Variants in GALNT18 observed in about 807,000 individuals in gnomAD.
The protein encoded by GALNT18 is GalNAc-transferase 18.
GALNT18 carries 44 observed loss-of-function variants against 69.5 expected under a neutral mutation model. That is an observed-to-expected ratio of 0.63 (90% CI 0.50 to 0.81). GALNT18 has a LOEUF of 0.81. GALNT18 is among the 40% of genes least tolerant of loss of function. The probability of loss-of-function intolerance (pLI) is 0.00; values close to 1 mark genes in which losing one functional copy is unlikely to be tolerated. For synonymous variants in GALNT18, 364 were observed against 318.2 expected, an observed-to-expected ratio of 1.14 and a Z score of -1.53; for missense variants, 715 against 810.0, an observed-to-expected ratio of 0.88 and a Z score of 1.42.
chr11:11,352,736 T>G (rs2896585), intron 6 of GALNT18: 1,598,261 of 1,614,090 alleles, frequency 0.99, 792,244 homozygotes, highest in East Asian at 1. Flanking sequence ...CATAGTCTGT[T>G]AACGTCTGGT....
chr11:11,493,929 T>C (rs1435575337), intron 1 of GALNT18, among the ~76,000 whole-genome samples: 1 of 152,176 alleles, frequency 6.6e-6, no homozygotes, highest in Admixed American at 6.5e-5. Flanking sequence ...ACAGAGACCA[T>C]GGCATAATGG....
intron 8 of GALNT18, among the ~76,000 whole-genome samples, chr11:11,330,277 G>GA (rs1004558240): frequency 6.6e-6 from 1 of 152,166 alleles, no homozygotes; most frequent in African/African-American, 2.4e-5. Flanking sequence ...ACAGAAAAAG[G>GA]AAAAAGAAAT....
intron 9 of GALNT18, among the ~76,000 whole-genome samples, chr11:11,301,974 T>G (rs528945619): frequency 6.6e-6 from 1 of 152,056 alleles, no homozygotes; most frequent in East Asian, 1.9e-4. Context: ...GAGTAATGAG[T>G]CTAAAGACAA....
chr11:11,461,913 C>T lies in GALNT18; in HGVS notation c.236-12977G>A, dbSNP rs190513012. ...ATGAAGCTGCAAAAATCATATGTAC[C>T]TTTCATCTGTAATATTACTCTATCA... On this transcript the variant is annotated intron_variant, in intron 1 of 10. Coordinates refer to ENST00000227756, the MANE Select transcript of GALNT18 (RefSeq NM_198516.3). The surrounding 1 kb of genome is among the most constrained non-coding windows in gnomAD (Gnocchi z 4.1). Among the ~76,000 whole-genome samples, 1 of 152,186 alleles carries T rather than the reference C, an allele frequency of 6.6e-6. No homozygotes were observed. Among genetic ancestry groups the T allele is most frequent in the African/African-American group, 2.4e-5 (1 of 41,436 alleles).
rs541885584 is a variant in GALNT18 at position 11,568,197 on chromosome 11, G to T, written c.235+53162C>A. Among the ~76,000 whole-genome samples, 25 of 152,338 alleles carry T rather than the reference G, an allele frequency of 1.6e-4. 1 individual carries two copies. The South Asian group carries it at 1.7e-3, about 10-fold the overall frequency. On this transcript the variant is annotated intron_variant, in intron 1 of 10. Transcript: ENST00000227756. ...GAACCACAGCCAACGCACAGCCCAGGTGACATAAGGAAGAAAGAAACTGTT... is the reference window on the plus strand; with the variant it reads ...GAACCACAGCCAACGCACAGCCCAGTTGACATAAGGAAGAAAGAAACTGTT...
chr11:11,467,330 T>G (rs1856174641), intron 1 of GALNT18, among the ~76,000 whole-genome samples: 1 of 152,202 alleles, frequency 6.6e-6, no homozygotes. Context: ...ATCTTCCCAG[T>G]GCCACTGGTT....
At chr11:11,412,104 C>T (rs767161818) in intron 3 of GALNT18, among the ~76,000 whole-genome samples, 1 of 152,166 alleles carries the variant, frequency 6.6e-6, no homozygotes, top group Non-Finnish European at 1.5e-5. Flanking sequence ...CCAAGAGCAT[C>T]CACTATAGTA....
chr11:11,321,364 G>A (rs1849836025), intron 9 of GALNT18, among the ~76,000 whole-genome samples: 1 of 152,176 alleles, frequency 6.6e-6, no homozygotes, highest in South Asian at 2.1e-4. Context: ...ACTGTACAGT[G>A]TATACAAAGT....
intron 2 of GALNT18, among the ~76,000 whole-genome samples, chr11:11,442,224 T>C (rs1298111233): frequency 2.0e-5 from 3 of 152,192 alleles, no homozygotes; most frequent in African/African-American, 7.2e-5. Flanking sequence ...CTTTCTCACA[T>C]TGTCATCTCT....
At chr11:11,612,917 CAGCAA>C (rs1859947800) in intron 1 of GALNT18, among the ~76,000 whole-genome samples, 1 of 152,166 alleles carries the variant, frequency 6.6e-6, no homozygotes, top group Non-Finnish European at 1.5e-5. Flanking sequence ...GAAAGTAGCC[CAGCAA>C]AGTATGCCTG....
In GALNT18 at chr11:11,314,346, C is replaced by T. The variant is rs1250091317; in HGVS notation, c.1512+12740G>A. ...TGGAGTTTGGACATGAAGTGAAGAA[C>T]ATATCATGTGGAATGAATAACAAAT... is the stretch of plus-strand genomic sequence containing the variant. On this transcript the variant is annotated intron_variant, in intron 9 of 10. Transcript: ENST00000227756. The surrounding 1 kb of genome is among the most constrained non-coding windows in gnomAD (Gnocchi z 5.2). 2.0e-5 allele frequency among the ~76,000 whole-genome samples: 3 copies of T among 151,234 alleles called. No individual in the cohort carries two copies. Among genetic ancestry groups the T allele is most frequent in the African/African-American group, 7.3e-5 (3 of 41,134 alleles).
chr11:11,354,152 G>A (rs572832724), intron 6 of GALNT18, among the ~76,000 whole-genome samples: 5 of 152,274 alleles, frequency 3.3e-5, no homozygotes, highest in East Asian at 3.9e-4. Flanking sequence ...AGAATGAATC[G>A]TCAGCATGGG....
chr11:11,274,554 A>AT (rs910374147), intron 10 of GALNT18, among the ~76,000 whole-genome samples: 1 of 152,132 alleles, frequency 6.6e-6, no homozygotes, highest in African/African-American at 2.4e-5. Flanking sequence ...GGTTTTTAAA[A>AT]TTTTTTATTA....
At chr11:11,559,392 T>C (rs2133979891) in intron 1 of GALNT18, among the ~76,000 whole-genome samples, 1 of 152,350 alleles carries the variant, frequency 6.6e-6, no homozygotes, top group Non-Finnish European at 1.5e-5. Flanking sequence ...GTCTGCTTCT[T>C]TCTCTTGTTA....
chr11:11,446,024 T>G (rs923828638), intron 2 of GALNT18, among the ~76,000 whole-genome samples: 2 of 152,172 alleles, frequency 1.3e-5, no homozygotes, highest in Admixed American at 6.5e-5. Flanking sequence ...GCGCTCTCAT[T>G]GTGCAGCATT....
At chr11:11,422,621 G>GT (rs374848510) in intron 3 of GALNT18, among the ~76,000 whole-genome samples, 384 of 142,006 alleles carry the variant, frequency 2.7e-3, no homozygotes, top group East Asian at 7.3e-3. Flanking sequence ...TTTTTTTGTT[G>GT]TTTTTTTTTT....
At chr11:11,399,543 T>C (rs7929019) in intron 3 of GALNT18, among the ~76,000 whole-genome samples, 86,007 of 152,034 alleles carry the variant, frequency 0.57, 25,377 homozygotes, top group Middle Eastern at 0.66. Context: ...GGAACACATG[T>C]AAACAACAAC....
In GALNT18 at chr11:11,318,396, A is replaced by G. The variant is rs1326260953; in HGVS notation, c.1512+8690T>C. On this transcript the variant is annotated intron_variant, in intron 9 of 10. Coordinates refer to ENST00000227756, the MANE Select transcript of GALNT18 (RefSeq NM_198516.3). The surrounding 1 kb of genome is among the most constrained non-coding windows in gnomAD (Gnocchi z 5.1). ...GTCCTTATAAAAAGGGGCAATTTGG[A>G]CACAGACGCACATACTGATAATGCC... is the stretch of plus-strand genomic sequence containing the variant. Among the ~76,000 whole-genome samples the G allele has an allele frequency of 6.6e-6, 1 of 152,178 alleles. No homozygotes were observed. Among genetic ancestry groups the G allele is most frequent in the Non-Finnish European group, 1.5e-5 (1 of 68,046 alleles).
In GALNT18 at chr11:11,318,171, G is replaced by C. The variant is rs1849787647; in HGVS notation, c.1512+8915C>G. On this transcript the variant is annotated intron_variant, in intron 9 of 10. Transcript: ENST00000227756. This position sits in a 1 kb window ranked among gnomAD's most constrained non-coding sequence, Gnocchi z 5.1. ...AGACCCTTTTTGGCCTAGAAAGTGA[G>C]AGTCAGGTTTCCATTTCCACTCTTC... Among the ~76,000 whole-genome samples, 1 of 152,194 alleles carries C rather than the reference G, an allele frequency of 6.6e-6. No individual in the cohort carries two copies. The highest frequency in any genetic ancestry group is 1.5e-5 in the Non-Finnish European group (1 of 68,040).
Sources: gnomAD v4.1 joint callset for allele counts (sites outside exome capture counted in the v4.1 genomes callset) on GRCh38, gnomAD v4.1.1 for gene constraint, Gnocchi (gnomAD v3.1) non-coding constraint, MANE v1.5 for transcripts, NCBI Gene and HGNC (gene_info 2026-07-23, HGNC 2026-07-21) for gene names.